Variants in SNX29 observed in about 807,000 individuals in gnomAD.
SNX29 encodes the protein sorting nexin-29.
A neutral mutation model predicts 102.1 loss-of-function variants in SNX29; 78 were observed. The ratio of observed to expected loss-of-function variants is 0.76; its 90% CI spans 0.64 to 0.92. The LOEUF (loss-of-function observed/expected upper bound fraction) is 0.92, where lower values mean the gene tolerates loss of function less well. Ranked by LOEUF, SNX29 falls within the 40% of genes least tolerant of loss-of-function variation. SNX29 has a pLI of 0.00. For synonymous variants in SNX29, 580 were observed against 414.5 expected (o/e 1.40, Z -4.85); for missense variants, 1,280 against 1,061.7 (o/e 1.21, Z -2.86).
At chr16:12,208,968 G>A (rs929401377) in intron 14 of SNX29, among the ~76,000 whole-genome samples, 1 of 152,148 alleles carries the variant, frequency 6.6e-6, no homozygotes, top group Non-Finnish European at 1.5e-5. Context: ...TAGAAGGTCT[G>A]TTCTGCACGG....
chr16:12,465,690 C>A (rs1217977244), intron 18 of SNX29, among the ~76,000 whole-genome samples: 1 of 151,952 alleles, frequency 6.6e-6, no homozygotes, highest in Non-Finnish European at 1.5e-5. Flanking sequence ...TCAAGGTCTT[C>A]TGTGTTTCCA....
intron 3 of SNX29, among the ~76,000 whole-genome samples, chr16:12,017,626 T>A (rs79156167): frequency 6.1e-4 from 93 of 152,334 alleles, no homozygotes; most frequent in Non-Finnish European, 1.2e-3. Flanking sequence ...CTTCAGTATT[T>A]TTCTCAGTTA....
chr16:12,487,013 C>G (rs1465040409), intron 19 of SNX29, among the ~76,000 whole-genome samples: 1 of 152,196 alleles, frequency 6.6e-6, no homozygotes, highest in African/African-American at 2.4e-5. Flanking sequence ...ATCCTTAAGG[C>G]TGTACTATCT....
rs926467251 is a variant in SNX29, at chr16:12,201,725, C to T, written c.1678+2042C>T. ...ATAATGTGACTCTAATGCAGGTGAC[C>T]TGTGGACAGCACCACCACCTTTTGT... On this transcript the variant is annotated intron_variant, in intron 14 of 20. Coordinates refer to ENST00000566228, the MANE Select transcript of SNX29 (RefSeq NM_032167.5). Among the ~76,000 whole-genome samples the T allele has an allele frequency of 7.2e-5, 11 of 152,296 alleles. 1 individual carries two copies. In the South Asian group the frequency reaches 2.3e-3, roughly 32 times the overall value.
intron 13 of SNX29, among the ~76,000 whole-genome samples, chr16:12,163,669 G>A (rs830697): frequency 0.099 from 14,996 of 152,172 alleles, 2,451 homozygotes; most frequent in African/African-American, 0.34. Flanking sequence ...CCCCACATGG[G>A]TCTTGGTCTA....
chr16:12,244,159 A>G (rs1596613116), intron 14 of SNX29, among the ~76,000 whole-genome samples: 1 of 151,658 alleles, frequency 6.6e-6, no homozygotes, highest in Non-Finnish European at 1.5e-5. Context: ...GGTGATGCTC[A>G]CTCACCCGCC....
chr16:12,350,932 C>G (rs2081975666), intron 15 of SNX29, among the ~76,000 whole-genome samples: 1 of 152,188 alleles, frequency 6.6e-6, no homozygotes, highest in African/African-American at 2.4e-5. Flanking sequence ...AACTATGTCA[C>G]TTCCCTCTAC....
intron 20 of SNX29, among the ~76,000 whole-genome samples, chr16:12,566,258 T>A (rs1283209936): frequency 6.6e-6 from 1 of 151,994 alleles, no homozygotes; most frequent in Non-Finnish European, 1.5e-5. Flanking sequence ...AAACCAAGGG[T>A]CAGACAGCAC....
At chr16:12,087,265 G>C (rs1192227864) in intron 11 of SNX29, 1 of 158,508 alleles carries the variant, frequency 6.3e-6, no homozygotes. Flanking sequence ...GGGTATGGTG[G>C]TGGGTGCCTG....
intron 20 of SNX29, among the ~76,000 whole-genome samples, chr16:12,565,186 C>G (rs760567603): frequency 6.6e-6 from 1 of 152,276 alleles, no homozygotes; most frequent in East Asian, 1.9e-4. Context: ...AACCCCCCAC[C>G]TTCAGATTCT....
chr16:12,423,338 T>G (rs1466091720), intron 18 of SNX29, among the ~76,000 whole-genome samples: 2 of 152,136 alleles, frequency 1.3e-5, no homozygotes, highest in Non-Finnish European at 2.9e-5. Context: ...CTCTACCCAC[T>G]GCCTCCCGTC....
At chr16:12,484,572 C>G (rs138785867) in intron 19 of SNX29, among the ~76,000 whole-genome samples, 2 of 152,144 alleles carry the variant, frequency 1.3e-5, no homozygotes, top group Non-Finnish European at 2.9e-5. Context: ...CCTACCTTAT[C>G]TCATGCCCTG....
intron 18 of SNX29, among the ~76,000 whole-genome samples, chr16:12,470,583 C>T (rs2087289849): frequency 6.6e-6 from 1 of 152,126 alleles, no homozygotes. Flanking sequence ...TTTTAGCACT[C>T]AGAAACCCAC....
At chr16:12,390,874 A>G (rs866604091) in intron 16 of SNX29, among the ~76,000 whole-genome samples, 4 of 150,258 alleles carry the variant, frequency 2.7e-5, no homozygotes, top group African/African-American at 7.4e-5. Context: ...AGTCTTGTTC[A>G]GTCTTTAAAA....
At chr16:12,534,396 C>G (rs2077014408) in intron 20 of SNX29, among the ~76,000 whole-genome samples, 1 of 152,224 alleles carries the variant, frequency 6.6e-6, no homozygotes, top group Non-Finnish European at 1.5e-5. Flanking sequence ...GCTTCTTTTG[C>G]TTCTTGTCCT....
chr16:12,060,859 A>G, intron 8 of SNX29: 2 of 456,274 alleles, frequency 4.4e-6, no homozygotes, highest in Non-Finnish European at 8.8e-6. Flanking sequence ...ACAGTATAAC[A>G]GATCATATGA....
At position 12,459,875 on chromosome 16, in the gene SNX29, C is replaced by G. The variant is rs191250709; in HGVS notation, c.2038-17844C>G. On this transcript the variant is annotated intron_variant, in intron 18 of 20. Transcript: ENST00000566228. ...CCAAAGCCATAGTGAACTGGCCTTTCTTCCTGGTAATCAAAGAGTCTGTGA... is the reference window on the plus strand; with the variant it reads ...CCAAAGCCATAGTGAACTGGCCTTTGTTCCTGGTAATCAAAGAGTCTGTGA... Among the ~76,000 whole-genome samples, 10 of 152,314 alleles carry G rather than the reference C, an allele frequency of 6.6e-5. No homozygotes were observed. In the East Asian group the frequency reaches 1.9e-3, roughly 29 times the overall value.
intron 19 of SNX29, among the ~76,000 whole-genome samples, chr16:12,496,926 A>G (rs1046798386): frequency 1.3e-5 from 2 of 152,012 alleles, no homozygotes; most frequent in African/African-American, 2.4e-5. Context: ...TGGGTAATGG[A>G]CAGGTTCAGG....
Position 12,155,206 on chromosome 16 carries a change from C to T in SNX29, c.1595+25448C>T, listed in dbSNP as rs2055490573. Among the ~76,000 whole-genome samples, 3 of 152,208 alleles carry T rather than the reference C, an allele frequency of 2.0e-5. No homozygotes were observed. In the South Asian group the frequency reaches 6.2e-4, roughly 32 times the overall value. On this transcript the variant is annotated intron_variant, in intron 13 of 20. Transcript: ENST00000566228. The stretch of plus-strand genomic sequence containing the variant: ...CTACTCTGCAGACCAGGAGAGAAAA[C>T]TCCATCCCAGGAGGAAATGTATTTG...
Sources: allele counts gnomAD v4.1 joint callset (sites outside exome capture counted in the v4.1 genomes callset), GRCh38; gene constraint gnomAD v4.1.1; transcripts MANE v1.5; gene names NCBI Gene and HGNC (gene_info 2026-07-23, HGNC 2026-07-21).